Variants in TSGA13 observed in about 807,000 individuals in gnomAD.
TSGA13 encodes the protein testis-specific gene 13 protein.
Under a neutral mutation model 35.1 loss-of-function variants are expected in TSGA13, and 37 were observed. That is an observed-to-expected ratio of 1.05 (90% CI 0.81 to 1.39). The LOEUF is 1.39. Among genes scored for constraint, TSGA13 ranks in the 40% most tolerant of loss-of-function variants. TSGA13 has a pLI of 0.00. For synonymous variants in TSGA13, 124 were observed against 121.2 expected, an observed-to-expected ratio of 1.02 and a Z score of -0.15; for missense variants, 338 against 328.5, an observed-to-expected ratio of 1.03 and a Z score of -0.22.
Position 130,668,805 on chromosome 7 carries a change from C to T in TSGA13, c.*209G>A. On this transcript the variant is annotated 3_prime_UTR_variant, in exon 8 of 8. Coordinates refer to ENST00000356588, the MANE Select transcript of TSGA13 (RefSeq NM_052933.4). ...GCCGCGCCTTCACTCGGGGCCAAGGCCCGCCCTCCCCGGCCGCCCTCGGCC... is the reference window on the plus strand; with the variant it reads ...GCCGCGCCTTCACTCGGGGCCAAGGTCCGCCCTCCCCGGCCGCCCTCGGCC... 1 of 1,260,316 alleles carries T rather than the reference C, an allele frequency of 7.9e-7. No individual in the cohort carries two copies. Among genetic ancestry groups the T allele is most frequent in the African/African-American group, 1.6e-5 (1 of 63,244 alleles). 78.1% of individuals were successfully genotyped at this position (1,260,316 alleles called of 1,614,324 possible).
intron 7 of TSGA13, among the ~76,000 whole-genome samples, chr7:130,669,499 T>C (rs1796200602): frequency 6.6e-6 from 1 of 152,260 alleles, no homozygotes; most frequent in African/African-American, 2.4e-5. Context: ...TCCTAACTCA[T>C]GTTCCTCTTT....
intron 5 of TSGA13, 70 bp downstream of exon 5, chr7:130,679,085 A>G: frequency 7.9e-7 from 1 of 1,265,102 alleles, no homozygotes; most frequent in South Asian, 1.3e-5. Flanking sequence ...TGTTAAGTTA[A>G]CTTCCTTCTC....
chr7:130,671,851 CTTTAT>C (rs10628843), intron 6 of TSGA13, 63 bp from the exon 7 acceptor site: 227,879 of 628,734 alleles, frequency 0.36, 62,913 homozygotes, highest in Non-Finnish European at 0.39. Flanking sequence ...GAACTATTCA[CTTTAT>C]TTTATTTTAT....
chr7:130,677,342 C>T (rs782268464), intron 5 of TSGA13, among the ~76,000 whole-genome samples: 4 of 152,150 alleles, frequency 2.6e-5, no homozygotes, highest in Non-Finnish European at 5.9e-5. Flanking sequence ...ACTACTAATG[C>T]ACCTTTCTTC....
rs1445200937 is a variant in TSGA13, at chr7:130,671,851, C to CT, written c.531-64dup. ...GCAGGGGGATTCATGGAACTATTCACTTTATTTTATTTTATTTTATTTTAT... is the reference window on the plus strand; with the variant it reads ...GCAGGGGGATTCATGGAACTATTCACTTTTATTTTATTTTATTTTATTTTAT... On this transcript the variant is annotated intron_variant, in intron 6 of 7. Transcript: ENST00000356588. The CT allele has an allele frequency of 1.2e-4, 78 of 629,358 alleles. 1 individual carries two copies. Among genetic ancestry groups the CT allele is most frequent in the Non-Finnish European group, 1.4e-4 (66 of 456,180 alleles). The allele number at this position is 629,358 out of a possible 1,614,324, so 39.0% of individuals were successfully genotyped here.
chr7:130,671,039 G>A (rs1301941810), intron 7 of TSGA13, among the ~76,000 whole-genome samples: 2 of 152,120 alleles, frequency 1.3e-5, no homozygotes, highest in African/African-American at 4.8e-5. Flanking sequence ...ATGATAATAT[G>A]TGAGGAGGAT....
intron 3 of TSGA13, among the ~76,000 whole-genome samples, chr7:130,681,661 A>G (rs571837664): frequency 2.8e-4 from 43 of 151,672 alleles, no homozygotes; most frequent in African/African-American, 9.2e-4. Context: ...TTTTATTTTT[A>G]TTTTTTTTGC....
intron 5 of TSGA13, among the ~76,000 whole-genome samples, chr7:130,678,240 G>A (rs190266979): frequency 7.2e-5 from 11 of 152,286 alleles, no homozygotes; most frequent in East Asian, 3.9e-4. Flanking sequence ...TTAGCTGGGC[G>A]TGGTGGTGGG....
At chr7:130,677,591 A>C (rs1308905926) in intron 5 of TSGA13, among the ~76,000 whole-genome samples, 2 of 151,982 alleles carry the variant, frequency 1.3e-5, no homozygotes, top group Non-Finnish European at 2.9e-5. Flanking sequence ...CGCATGGCTA[A>C]TTTTTGTATT....
At chr7:130,670,760 A>G (rs1796248414) in intron 7 of TSGA13, among the ~76,000 whole-genome samples, 3 of 152,056 alleles carry the variant, frequency 2.0e-5, no homozygotes, top group Non-Finnish European at 2.9e-5. Flanking sequence ...AGCTCAGACT[A>G]CAGGTGCATG....
chr7:130,682,847 A>T (rs1201827237), intron 3 of TSGA13, among the ~76,000 whole-genome samples: 2 of 152,190 alleles, frequency 1.3e-5, no homozygotes, highest in African/African-American at 4.8e-5. Context: ...GAACTATGAG[A>T]TGGTGGGATG....
intron 7 of TSGA13, among the ~76,000 whole-genome samples, chr7:130,669,953 G>A (rs958381091): frequency 2.6e-5 from 4 of 152,112 alleles, no homozygotes; most frequent in Non-Finnish European, 4.4e-5. Flanking sequence ...CAAGGGTATT[G>A]GGAACCTAGG....
intron 4 of TSGA13, among the ~76,000 whole-genome samples, chr7:130,679,936 G>A (rs1796504998): frequency 6.6e-6 from 1 of 152,116 alleles, no homozygotes; most frequent in Admixed American, 6.6e-5. Flanking sequence ...AGGTTTCCAT[G>A]GTAAAAGGAG....
intron 3 of TSGA13, 143 bp downstream of exon 3, chr7:130,683,451 T>G: frequency 3.0e-6 from 2 of 656,016 alleles, no homozygotes; most frequent in Non-Finnish European, 5.0e-6. Flanking sequence ...TTCAATAACA[T>G]TTGACAAGTT....
chr7:130,685,654 T>C (rs1395563366), intron 1 of TSGA13, among the ~76,000 whole-genome samples: 1 of 152,198 alleles, frequency 6.6e-6, no homozygotes, highest in African/African-American at 2.4e-5. Context: ...TAAAAAGATC[T>C]GAAATAAAAT....
chr7:130,684,272 T>A (rs1394555220), intron 2 of TSGA13, among the ~76,000 whole-genome samples: 1 of 152,200 alleles, frequency 6.6e-6, no homozygotes, highest in Non-Finnish European at 1.5e-5. Context: ...TAATCAACAA[T>A]GGCAAATATT....
At chr7:130,678,091 T>C (rs1796453533) in intron 5 of TSGA13, among the ~76,000 whole-genome samples, 1 of 152,050 alleles carries the variant, frequency 6.6e-6, no homozygotes, top group African/African-American at 2.4e-5. Context: ...ATTTGGCTAC[T>C]GTGTAGGCCG....
intron 5 of TSGA13, among the ~76,000 whole-genome samples, chr7:130,677,033 C>T (rs1796428205): frequency 6.6e-6 from 1 of 151,950 alleles, no homozygotes; most frequent in African/African-American, 2.4e-5. Flanking sequence ...GCTGGGAGTA[C>T]AGGCGCCCGC....
At chr7:130,682,775 G>A (rs1333506793) in intron 3 of TSGA13, among the ~76,000 whole-genome samples, 1 of 152,202 alleles carries the variant, frequency 6.6e-6, no homozygotes, top group African/African-American at 2.4e-5. Flanking sequence ...TTGGCAGTTG[G>A]AGAAGGAGCG....
Sources: allele counts gnomAD v4.1 joint callset (sites outside exome capture counted in the v4.1 genomes callset), GRCh38; gene constraint gnomAD v4.1.1; transcripts MANE v1.5; gene names NCBI Gene and HGNC (gene_info 2026-07-23, HGNC 2026-07-21).